The following GNA14 variants were observed in gnomAD, a reference collection of about 807,000 sequenced individuals.
GNA14 encodes guanine nucleotide-binding protein subunit alpha-14.
A neutral mutation model predicts 42.0 loss-of-function variants in GNA14; 50 were observed. That is an observed-to-expected ratio of 1.19 (90% CI 0.95 to 1.51). The LOEUF is 1.51. GNA14 is among the 40% of genes most tolerant of loss of function. The pLI, the probability that GNA14 is intolerant of heterozygous loss-of-function variation, is 0.00. For missense variants in GNA14, 473 were observed against 446.2 expected, an observed-to-expected ratio of 1.06 and a Z score of -0.54; for synonymous variants, 173 against 163.1, an observed-to-expected ratio of 1.06 and a Z score of -0.46.
At chr9:77,474,895 C>T (rs1035815546) in intron 2 of GNA14, among the ~76,000 whole-genome samples, 4 of 151,972 alleles carry the variant, frequency 2.6e-5, no homozygotes, top group South Asian at 4.2e-4. Flanking sequence ...AATCCAGTCA[C>T]GAATGGCCAC....
chr9:77,571,577 G>T (rs1017940508), intron 1 of GNA14, among the ~76,000 whole-genome samples: 3 of 152,096 alleles, frequency 2.0e-5, no homozygotes, highest in African/African-American at 7.2e-5. Context: ...GAGGCGGGCA[G>T]ATCACATGAG....
At chr9:77,477,283 G>A (rs957987092) in intron 2 of GNA14, among the ~76,000 whole-genome samples, 1 of 152,180 alleles carries the variant, frequency 6.6e-6, no homozygotes, top group Non-Finnish European at 1.5e-5. Flanking sequence ...GAAGGCAGAG[G>A]TTGCAGTGAA....
intron 1 of GNA14, among the ~76,000 whole-genome samples, chr9:77,533,272 T>C (rs897379404): frequency 1.3e-5 from 2 of 152,190 alleles, no homozygotes; most frequent in African/African-American, 4.8e-5. Flanking sequence ...CCTCCGCCTC[T>C]GGGTTCAAGC....
intron 1 of GNA14, among the ~76,000 whole-genome samples, chr9:77,533,022 T>C (rs1007070263): frequency 6.6e-6 from 1 of 152,166 alleles, no homozygotes; most frequent in Non-Finnish European, 1.5e-5. Flanking sequence ...ATCCAAAAAG[T>C]CACAGAGTAA....
chr9:77,500,367 C>G (rs897984591), intron 2 of GNA14, among the ~76,000 whole-genome samples: 3 of 152,190 alleles, frequency 2.0e-5, no homozygotes, highest in Admixed American at 1.3e-4. Context: ...GAATATATAA[C>G]TATTTTTAAA....
At chr9:77,510,405 G>A (rs1032934252) in intron 2 of GNA14, among the ~76,000 whole-genome samples, 4 of 152,090 alleles carry the variant, frequency 2.6e-5, no homozygotes, top group Non-Finnish European at 5.9e-5. Flanking sequence ...GTGCAATCTC[G>A]GCTCACTGCA....
At chr9:77,502,452 A>C (rs1836991400) in intron 2 of GNA14, among the ~76,000 whole-genome samples, 1 of 152,126 alleles carries the variant, frequency 6.6e-6, no homozygotes, top group African/African-American at 2.4e-5. Flanking sequence ...CCACCTTGCT[A>C]TACTACAGGG....
chr9:77,582,687 T>C (rs1823243285), intron 1 of GNA14, among the ~76,000 whole-genome samples: 1 of 152,248 alleles, frequency 6.6e-6, no homozygotes, highest in African/African-American at 2.4e-5. Flanking sequence ...TCCAGTCATA[T>C]GACTTGACAC....
At chr9:77,465,029 C>A (rs574644587) in intron 2 of GNA14, among the ~76,000 whole-genome samples, 69 of 152,298 alleles carry the variant, frequency 4.5e-4, no homozygotes, top group African/African-American at 1.6e-3. Flanking sequence ...GAAGAAGCCT[C>A]TCCTATAGGC....
At chr9:77,424,676 C>G (rs1206434646) in intron 6 of GNA14, among the ~76,000 whole-genome samples, 1 of 152,144 alleles carries the variant, frequency 6.6e-6, no homozygotes. Context: ...CCTCTGGTAT[C>G]TAAAAATTGT....
chr9:77,606,763 G>C (rs973659869), intron 1 of GNA14, among the ~76,000 whole-genome samples: 1 of 152,186 alleles, frequency 6.6e-6, no homozygotes, highest in African/African-American at 2.4e-5. Context: ...GTTATGAGCG[G>C]AATGTTTATG....
intron 2 of GNA14, among the ~76,000 whole-genome samples, chr9:77,472,168 G>C (rs1482819410): frequency 2.0e-5 from 3 of 152,142 alleles, no homozygotes; most frequent in African/African-American, 7.2e-5. Context: ...AATACCCTTG[G>C]AAATCTGTGC....
intron 1 of GNA14, among the ~76,000 whole-genome samples, chr9:77,624,965 A>G (rs1452869682): frequency 6.6e-6 from 1 of 152,044 alleles, no homozygotes; most frequent in Non-Finnish European, 1.5e-5. Flanking sequence ...TCCGAGCTAA[A>G]AGAGCAAGTC....
intron 1 of GNA14, among the ~76,000 whole-genome samples, chr9:77,616,372 G>C (rs1193891313): frequency 6.6e-6 from 1 of 152,190 alleles, no homozygotes; most frequent in Non-Finnish European, 1.5e-5. Flanking sequence ...AATCAGAACG[G>C]ATACTGTTCC....
At chr9:77,489,895 G>A (rs889636159) in intron 2 of GNA14, among the ~76,000 whole-genome samples, 4 of 152,092 alleles carry the variant, frequency 2.6e-5, no homozygotes, top group African/African-American at 7.2e-5. Context: ...CCACAATGTG[G>A]AAGGGGACCG....
chr9:77,614,151 G>A (rs750593581), intron 1 of GNA14, among the ~76,000 whole-genome samples: 3 of 152,182 alleles, frequency 2.0e-5, no homozygotes, highest in Non-Finnish European at 4.4e-5. Flanking sequence ...CCTCCATGCA[G>A]CGATTCAGAG....
intron 4 of GNA14, among the ~76,000 whole-genome samples, chr9:77,429,373 G>A (rs1400834505): frequency 6.6e-6 from 1 of 152,158 alleles, no homozygotes; most frequent in Non-Finnish European, 1.5e-5. Flanking sequence ...AGAGTCCCTG[G>A]ATACCAGACT....
intron 4 of GNA14, among the ~76,000 whole-genome samples, chr9:77,430,660 C>T (rs906627268): frequency 2.6e-5 from 4 of 152,130 alleles, no homozygotes; most frequent in South Asian, 2.1e-4. Flanking sequence ...ACTAGAAAAT[C>T]GTGTGTGATA....
chr9:77,428,342 G>A (rs1022777104), intron 5 of GNA14, among the ~76,000 whole-genome samples: 1 of 152,012 alleles, frequency 6.6e-6, no homozygotes, highest in Non-Finnish European at 1.5e-5. Context: ...GCCTCCCAAA[G>A]TGCTGGGATT....
Sources: gnomAD v4.1 joint callset for allele counts (sites outside exome capture counted in the v4.1 genomes callset) on GRCh38, gnomAD v4.1.1 for gene constraint, MANE v1.5 for transcripts, NCBI Gene and HGNC (gene_info 2026-07-23, HGNC 2026-07-21) for gene names.